Variants in CHLSN observed in about 807,000 individuals in gnomAD.
The protein encoded by CHLSN is protein cholesin.
chr7:982,423 G>A, the CHLSN span, among the ~76,000 whole-genome samples: 17 of 152,212 alleles, frequency 1.1e-4, no homozygotes, highest in Non-Finnish European at 1.9e-4. Flanking sequence ...AAGCAGGCCC[G>A]GCCGCTTCTG....
the CHLSN span, among the ~76,000 whole-genome samples, chr7:1,111,750 C>G: frequency 6.6e-6 from 1 of 151,916 alleles, no homozygotes; most frequent in South Asian, 2.1e-4. Context: ...TACAGTGAGC[C>G]AGGATCACGC....
At chr7:1,092,388 G>T in the CHLSN span, 1 of 1,594,350 alleles carries the variant, frequency 6.3e-7, no homozygotes, top group South Asian at 1.1e-5. Flanking sequence ...TCGAGGTCAC[G>T]CTGGGCTTCA....
At chr7:1,114,065 C>T in the CHLSN span, among the ~76,000 whole-genome samples, 22 of 152,370 alleles carry the variant, frequency 1.4e-4, no homozygotes, top group South Asian at 1.7e-3. Flanking sequence ...CTAATTAACC[C>T]GCAGTGCAGC....
the CHLSN span, among the ~76,000 whole-genome samples, chr7:986,153 C>T: frequency 9.8e-5 from 15 of 152,336 alleles, no homozygotes; most frequent in East Asian, 2.5e-3. Context: ...CTGGCGATCG[C>T]GGACGCCCCA....
chr7:993,605 C>T, the CHLSN span, among the ~76,000 whole-genome samples: 196 of 152,224 alleles, frequency 1.3e-3, no homozygotes, highest in Non-Finnish European at 2.0e-3. Flanking sequence ...TGAGGCCCCC[C>T]GCTTCTACAA....
the CHLSN span, among the ~76,000 whole-genome samples, chr7:990,362 T>C: frequency 7.6e-6 from 1 of 132,122 alleles, no homozygotes; most frequent in Non-Finnish European, 1.6e-5. Flanking sequence ...TGGTCGGCAG[T>C]GTGACAGTGG....
chr7:1,019,210 AACGGG>A, the CHLSN span, among the ~76,000 whole-genome samples: 4 of 69,828 alleles, frequency 5.7e-5, no homozygotes, highest in Non-Finnish European at 8.2e-5. Context: ...AAAAAAAAAA[AACGGG>A]GGGGGGGGAG....
At chr7:1,028,522 C>T in the CHLSN span, 1 of 985,122 alleles carries the variant, frequency 1.0e-6, no homozygotes, top group Non-Finnish European at 1.2e-6. Flanking sequence ...CTGCTGCAGC[C>T]CCCACTGCTC....
At chr7:1,096,358 T>A in the CHLSN span, among the ~76,000 whole-genome samples, 30 of 152,186 alleles carry the variant, frequency 2.0e-4, 1 homozygote, top group South Asian at 6.0e-3. The surrounding 1 kb of genome is among the most constrained non-coding windows in gnomAD (Gnocchi z 4.6). Flanking sequence ...CGGGCTGCGG[T>A]AAGGGCAGGT....
At chr7:1,096,319 G>A in the CHLSN span, among the ~76,000 whole-genome samples, 1 of 152,142 alleles carries the variant, frequency 6.6e-6, no homozygotes, top group African/African-American at 2.4e-5. This position sits in a 1 kb window ranked among gnomAD's most constrained non-coding sequence, Gnocchi z 4.6. Context: ...CCAGTCACAC[G>A]AGCGACAGGC....
chr7:1,060,474 G>C, the CHLSN span, among the ~76,000 whole-genome samples: 9 of 152,322 alleles, frequency 5.9e-5, no homozygotes, highest in African/African-American at 1.9e-4. Context: ...GAGTATGCCC[G>C]GCCCCAGGGA....
At chr7:997,372 G>A in the CHLSN span, 13 of 444,914 alleles carry the variant, frequency 2.9e-5, no homozygotes, top group South Asian at 2.0e-4. Flanking sequence ...GAGCATCCAC[G>A]CTCTGCGCTG....
the CHLSN span, chr7:984,952 ATCT>A: frequency 3.7e-5 from 59 of 1,598,292 alleles, no homozygotes; most frequent in Middle Eastern, 1.8e-4. Context: ...GCCTACAGGC[ATCT>A]TCTTCTCATC....
the CHLSN span, among the ~76,000 whole-genome samples, chr7:1,124,385 G>T: frequency 6.6e-6 from 1 of 151,660 alleles, no homozygotes; most frequent in Admixed American, 6.6e-5. Flanking sequence ...AAAGTCCAGG[G>T]TGACGCCGCG....
chr7:983,943 G>C, the CHLSN span, among the ~76,000 whole-genome samples: 1 of 152,208 alleles, frequency 6.6e-6, no homozygotes, highest in African/African-American at 2.4e-5. Context: ...GTGGGACAGG[G>C]CTGACCAGTC....
the CHLSN span, among the ~76,000 whole-genome samples, chr7:1,122,516 T>C: frequency 5.7e-4 from 87 of 152,262 alleles, no homozygotes; most frequent in African/African-American, 1.8e-3. Flanking sequence ...GGGTCCCCTT[T>C]AGTGAGACTG....
chr7:1,096,729 C>T, the CHLSN span, among the ~76,000 whole-genome samples: 1 of 152,344 alleles, frequency 6.6e-6, no homozygotes, highest in South Asian at 2.1e-4. This position sits in a 1 kb window ranked among gnomAD's most constrained non-coding sequence, Gnocchi z 4.6. Context: ...GTGACCTCCT[C>T]GTTCTTTGTG....
the CHLSN span, among the ~76,000 whole-genome samples, chr7:1,002,803 C>T: frequency 3.9e-5 from 2 of 50,736 alleles, no homozygotes; most frequent in Non-Finnish European, 7.5e-5. Context: ...TGAGTGGAGT[C>T]CTGTGGGTGG....
the CHLSN span, among the ~76,000 whole-genome samples, chr7:1,043,252 C>T: frequency 1.3e-5 from 2 of 152,124 alleles, no homozygotes; most frequent in Non-Finnish European, 2.9e-5. Context: ...TTAAAATGCA[C>T]ATGGTGACCT....
Sources: allele counts gnomAD v4.1 joint callset (sites outside exome capture counted in the v4.1 genomes callset), GRCh38; gene constraint gnomAD v4.1.1; non-coding constraint Gnocchi (gnomAD v3.1); transcripts MANE v1.5; gene names NCBI Gene and HGNC (gene_info 2026-07-23, HGNC 2026-07-21).